The following ZBTB8B variants were observed in gnomAD, a reference collection of about 807,000 sequenced individuals.
ZBTB8B encodes the protein zinc finger and BTB domain containing 8B.
Under a neutral mutation model 30.3 loss-of-function variants are expected in ZBTB8B, and 17 were observed. The observed-to-expected ratio is 0.56, with a 90% CI of 0.38 to 0.84. ZBTB8B has a LOEUF of 0.84. ZBTB8B is among the 40% of genes least tolerant of loss of function. The probability of loss-of-function intolerance (pLI) is 0.00; values close to 1 mark genes in which losing one functional copy is unlikely to be tolerated. For synonymous variants in ZBTB8B, 248 were observed against 255.6 expected (o/e 0.97, Z 0.28); for missense variants, 515 against 644.9 (o/e 0.80, Z 2.18).
intron 3 of ZBTB8B, among the ~76,000 whole-genome samples, chr1:32,482,669 CA>C (rs1050028688): frequency 0.011 from 453 of 40,098 alleles, no homozygotes; most frequent in African/African-American, 0.022. Context: ...GACTCCGTGT[CA>C]AAAAAAAAAA....
chr1:32,475,429 G>GAA (rs1476329248), intron 2 of ZBTB8B, among the ~76,000 whole-genome samples: 1 of 151,930 alleles, frequency 6.6e-6, no homozygotes, highest in Non-Finnish European at 1.5e-5. Context: ...TAAAAATACA[G>GAA]AAACAAATTA....
At chr1:32,474,727 T>C (rs956387919) in intron 2 of ZBTB8B, among the ~76,000 whole-genome samples, 2 of 152,196 alleles carry the variant, frequency 1.3e-5, no homozygotes, top group Non-Finnish European at 2.9e-5. Flanking sequence ...CACAAGTCTC[T>C]CATGGTGTCC....
rs1374765053 is a variant in ZBTB8B, at chr1:32,470,605, C to T, written c.-20C>T. The T allele has an allele frequency of 1.3e-6, 2 of 1,536,180 alleles. No homozygotes were observed. Among genetic ancestry groups the T allele is most frequent in the East Asian group, 2.5e-5 (1 of 40,538 alleles). ...GCAGAGATACAGGTTTGCTCTGGAG[C>T]AGCAGCAGCTGGCGGAGCAATGGAG... On this transcript the variant is annotated 5_prime_UTR_variant, in exon 2 of 4. Transcript: ENST00000609129.
intron 1 of ZBTB8B, among the ~76,000 whole-genome samples, chr1:32,469,956 G>C (rs1295212458): frequency 6.6e-6 from 1 of 152,066 alleles, no homozygotes; most frequent in Non-Finnish European, 1.5e-5. Flanking sequence ...GCACAATCTT[G>C]TTTCACGCAG....
chr1:32,472,469 G>A (rs1008493125), intron 2 of ZBTB8B, among the ~76,000 whole-genome samples: 1 of 152,194 alleles, frequency 6.6e-6, no homozygotes, highest in South Asian at 2.1e-4. Flanking sequence ...TCAGTTTTGT[G>A]TGGGGAGAAT....
rs1188310695 is a variant in ZBTB8B, at chr1:32,471,053, G to A, written c.429G>A (p.Ala143=). The A allele has an allele frequency of 1.3e-6, 2 of 1,544,710 alleles. No individual in the cohort carries two copies. Among genetic ancestry groups the A allele is most frequent in the Non-Finnish European group, 1.7e-6 (2 of 1,145,508 alleles). Residue 143 remains alanine, a synonymous_variant, in exon 2 of 4, where the codon GCG becomes GCA. Coordinates refer to ENST00000609129, the MANE Select transcript of ZBTB8B (RefSeq NM_001145720.2). The part of the protein sequence containing the change: ...AVAAAVAAAA[A]AAAAAAAAAA... ...CTGCAGCAGTGGCGGCGGCAGCGGC[G>A]GCGGCTGCAGCGGCGGCAGCAGCGG...
At position 32,480,881 on chromosome 1, in the gene ZBTB8B, G is replaced by T. The variant is rs1643698799; in HGVS notation, c.992-10G>T. Reference sequence around the variant, plus strand: ...ACAGCACAGCTAAATGAAAGCATTTGGTTCCCCAGGTGATGTGCTGGTGGT... The same window carrying T: ...ACAGCACAGCTAAATGAAAGCATTTTGTTCCCCAGGTGATGTGCTGGTGGT... On this transcript the variant is annotated splice_polypyrimidine_tract_variant and intron_variant, in intron 2 of 3. Coordinates refer to ENST00000609129, the MANE Select transcript of ZBTB8B (RefSeq NM_001145720.2). 6.5e-7 allele frequency: 1 copy of T among 1,549,924 alleles called. No homozygotes were observed.
chr1:32,472,691 G>A (rs936355859), intron 2 of ZBTB8B, among the ~76,000 whole-genome samples: 2 of 152,084 alleles, frequency 1.3e-5, no homozygotes, highest in African/African-American at 4.8e-5. Context: ...TCGGCTCACT[G>A]CAACCTCTGC....
chr1:32,477,249 T>C (rs537490060), intron 2 of ZBTB8B, among the ~76,000 whole-genome samples: 1 of 152,354 alleles, frequency 6.6e-6, no homozygotes, highest in South Asian at 2.1e-4. Context: ...CATCATATTG[T>C]ATGAATATGT....
intron 3 of ZBTB8B, among the ~76,000 whole-genome samples, chr1:32,482,047 C>T (rs1643709441): frequency 6.6e-6 from 1 of 152,100 alleles, no homozygotes; most frequent in African/African-American, 2.4e-5. Context: ...GATCACAGCT[C>T]ACTGCAGCCT....
At chr1:32,480,662 C>T (rs890174942) in intron 2 of ZBTB8B, among the ~76,000 whole-genome samples, 2 of 152,212 alleles carry the variant, frequency 1.3e-5, no homozygotes, top group Admixed American at 1.3e-4. Context: ...TGCCTTATAG[C>T]ATTCCCGACA....
intron 3 of ZBTB8B, among the ~76,000 whole-genome samples, chr1:32,483,886 A>G (rs1272242667): frequency 6.6e-6 from 1 of 151,114 alleles, no homozygotes; most frequent in Non-Finnish European, 1.5e-5. Flanking sequence ...GCAACATAGC[A>G]AGATAGCAAG....
intron 1 of ZBTB8B, among the ~76,000 whole-genome samples, chr1:32,468,188 C>A (rs577697973): frequency 9.9e-5 from 15 of 152,104 alleles, no homozygotes; most frequent in African/African-American, 3.4e-4. Context: ...CAAAAAGGAA[C>A]TTAATTGGCT....
At position 32,471,496 on chromosome 1, in the gene ZBTB8B, C is replaced by A; in HGVS notation, c.872C>A (p.Pro291Gln). 1 of 1,551,800 alleles carries A rather than the reference C, an allele frequency of 6.4e-7. No individual in the cohort carries two copies. Among genetic ancestry groups the A allele is most frequent in the Non-Finnish European group, 8.7e-7 (1 of 1,147,008 alleles). ...LEALLRNSAA[P>Q]SKDDADHHFS... ...GCGCTCTTGCGCAACAGCGCTGCCCCGAGCAAGGATGATGCAGACCATCAC... is the reference window on the plus strand; with the variant it reads ...GCGCTCTTGCGCAACAGCGCTGCCCAGAGCAAGGATGATGCAGACCATCAC... The change falls in exon 2 of 4, where the codon CCG (proline) becomes CAG (glutamine). Residue 291 changes from proline to glutamine, a missense_variant. Transcript: ENST00000609129.
chr1:32,471,431 C>G lies in ZBTB8B; in HGVS notation c.807C>G (p.Asp269Glu). 2 of 1,551,836 alleles carry G rather than the reference C, an allele frequency of 1.3e-6. No individual in the cohort carries two copies. Among genetic ancestry groups the G allele is most frequent in the African/African-American group, 1.4e-5 (1 of 73,198 alleles). The stretch of plus-strand genomic sequence containing the variant: ...CCTTGCCAAGCGGCCAGGCGGTTGA[C>G]TTGGCTTACAGCAACTACCACGTGA... ...EEALPSGQAVDLAYSNYHVKQ... is the reference protein window; with the variant it reads ...EEALPSGQAVELAYSNYHVKQ... The change falls in exon 2 of 4, where the codon GAC becomes GAG. Residue 269 changes from aspartate to glutamate, a missense_variant. Coordinates refer to ENST00000609129, the MANE Select transcript of ZBTB8B (RefSeq NM_001145720.2).
At position 32,470,523 on chromosome 1, in the gene ZBTB8B, A is replaced by G. The variant is rs892636436; in HGVS notation, c.-41-61A>G. The G allele has an allele frequency of 6.7e-5, 79 of 1,173,972 alleles. No individual in the cohort carries two copies. The South Asian group carries it at 9.7e-4, about 14-fold the overall frequency. 72.7% of individuals were successfully genotyped at this position (1,173,972 alleles called of 1,614,324 possible). A position where few individuals can be genotyped will look rare whatever the true frequency, so the allele number is the denominator to read the frequency against. ...TCAAAAAAAAAAAAAAAAAAAAAAA[A>G]AAAGAAATCTTGTTTGTAAAGGTTG... On this transcript the variant is annotated intron_variant, in intron 1 of 3. Transcript: ENST00000609129.
chr1:32,482,319 C>G (rs1457536454), intron 3 of ZBTB8B, among the ~76,000 whole-genome samples: 1 of 151,916 alleles, frequency 6.6e-6, no homozygotes, highest in Non-Finnish European at 1.5e-5. Context: ...TTGAGCAAGA[C>G]AATCAGTGTT....
chr1:32,468,442 C>T (rs1165784072), intron 1 of ZBTB8B, among the ~76,000 whole-genome samples: 1 of 152,100 alleles, frequency 6.6e-6, no homozygotes, highest in Non-Finnish European at 1.5e-5. Context: ...GGTGGGATGC[C>T]TTAATTTTAT....
In ZBTB8B at chr1:32,492,161, A is replaced by T. The variant is rs926544794; in HGVS notation, c.*6743A>T. The T allele has an allele frequency of 1.3e-5, 2 of 152,220 alleles. No individual in the cohort carries two copies. Among genetic ancestry groups the T allele is most frequent in the Admixed American group, 6.5e-5 (1 of 15,276 alleles). 9.4% of individuals were successfully genotyped at this position (152,220 alleles called of 1,614,324 possible). On this transcript the variant is annotated 3_prime_UTR_variant, in exon 4 of 4. Coordinates refer to ENST00000609129, the MANE Select transcript of ZBTB8B (RefSeq NM_001145720.2). ...TATCATGTATCCTTTGGTGTCACTC[A>T]TAATAGGTGAGTATAGTATGTCGTA...
Sources: gnomAD v4.1 joint callset for allele counts (sites outside exome capture counted in the v4.1 genomes callset) on GRCh38, gnomAD v4.1.1 for gene constraint, MANE v1.5 for transcripts, NCBI Gene and HGNC (gene_info 2026-07-23, HGNC 2026-07-21) for gene names.